Variants in VPS37D observed in about 807,000 individuals in gnomAD.
VPS37D encodes the protein VPS37D subunit of ESCRT-I, also known as vacuolar protein sorting-associated protein 37D.
In VPS37D, 5 loss-of-function variants were observed where a neutral mutation model predicts 22.0. That is an observed-to-expected ratio of 0.23 (90% CI 0.12 to 0.48). VPS37D has a LOEUF of 0.48. Among genes scored for constraint, VPS37D ranks in the 20% least tolerant of loss-of-function variants. The pLI is 0.99. For missense variants in VPS37D, 384 were observed against 345.8 expected (o/e 1.11, Z -0.88); for synonymous variants, 174 against 159.3 (o/e 1.09, Z -0.69).
rs782162648 is a variant in VPS37D, at chr7:73,671,142, T to TCGGGAG, written c.525_530dup (p.Glu176_Arg177dup). 2 of 1,607,186 alleles carry TCGGGAG rather than the reference T, an allele frequency of 1.2e-6. No individual in the cohort carries two copies. Among genetic ancestry groups the TCGGGAG allele is most frequent in the Admixed American group, 1.7e-5 (1 of 59,806 alleles). On this transcript the variant is annotated inframe_insertion, in exon 4 of 4. Coordinates refer to ENST00000324941, the MANE Select transcript of VPS37D (RefSeq NM_001077621.2). ...AGAAGCTGCAGGAGCTGCTGCGGCGTCGGGAGCGTTCTGCCCAGCCGGCCC... is the reference window on the plus strand; with the variant it reads ...AGAAGCTGCAGGAGCTGCTGCGGCGTCGGGAGCGGGAGCGTTCTGCCCAGCCGGCCC...
rs781894762 is a variant in VPS37D, at chr7:73,669,460, C to T, written c.180C>T (p.Ser60=). The T allele has an allele frequency of 2.5e-6, 4 of 1,578,512 alleles. No homozygotes were observed. The highest frequency in any genetic ancestry group is 3.4e-6 in the Non-Finnish European group (4 of 1,162,820). ...LQLEREACLA[S]NYALAKENLA... ...TGGAGCGTGAGGCCTGCCTGGCCTC[C>T]AACTACGCGCTGGCCAAGGAGAACC... The change falls in exon 2 of 4, where the codon TCC becomes TCT. Residue 60 remains serine (S), a synonymous_variant. Coordinates refer to ENST00000324941, the MANE Select transcript of VPS37D (RefSeq NM_001077621.2).
At chr7:73,670,990 G>C (rs782662889) in intron 3 of VPS37D, 24 bp from the exon 4 acceptor site, 3 of 1,608,020 alleles carry the variant, frequency 1.9e-6, no homozygotes, top group Non-Finnish European at 1.7e-6. Flanking sequence ...CCTCTCCCAA[G>C]CCTTCCCTTC....
chr7:73,667,877 C>A lies in VPS37D; in HGVS notation c.-82C>A. 2 of 369,060 alleles carry A rather than the reference C, an allele frequency of 5.4e-6. No homozygotes were observed. Among genetic ancestry groups the A allele is most frequent in the African/African-American group, 2.2e-5 (1 of 44,560 alleles). The allele number at this position is 369,060 out of a possible 1,614,324, so 22.9% of individuals were successfully genotyped here. On this transcript the variant is annotated 5_prime_UTR_variant, in exon 1 of 4. Transcript: ENST00000324941. ...GCCGGAGCGGATCCTGGAGCCGGAGCGGAGCGGAGCGGAGCGGAGCCGGGG... is the reference window on the plus strand; with the variant it reads ...GCCGGAGCGGATCCTGGAGCCGGAGAGGAGCGGAGCGGAGCGGAGCCGGGG...
chr7:73,671,569 C>A lies in VPS37D; in HGVS notation c.*193C>A. On this transcript the variant is annotated 3_prime_UTR_variant, in exon 4 of 4. Coordinates refer to ENST00000324941, the MANE Select transcript of VPS37D (RefSeq NM_001077621.2). ...CGAGAGGGGGCTGGGGGTGGGTGGG[C>A]AGGGCTTTATGCCTCTGGCGCTGAA... is the stretch of plus-strand genomic sequence containing the variant. The A allele has an allele frequency of 1.5e-5, 3 of 200,274 alleles. No individual in the cohort carries two copies. The highest frequency in any genetic ancestry group is 3.0e-5 in the Non-Finnish European group (3 of 100,952). The allele number at this position is 200,274 out of a possible 1,614,324, so 12.4% of individuals were successfully genotyped here.
At chr7:73,668,151 C>A in intron 1 of VPS37D, 55 bp downstream of exon 1, 1 of 1,033,898 alleles carries the variant, frequency 9.7e-7, no homozygotes. Context: ...GCCTGCGGGA[C>A]CTGCCGCTCG....
In VPS37D at chr7:73,671,291, C is replaced by A; in HGVS notation, c.671C>A (p.Pro224Gln). The A allele has an allele frequency of 7.0e-7, 1 of 1,424,524 alleles. No individual in the cohort carries two copies. Among genetic ancestry groups the A allele is most frequent in the African/African-American group, 1.5e-5 (1 of 67,062 alleles). 88.2% of individuals were successfully genotyped at this position (1,424,524 alleles called of 1,614,324 possible). ...CCCTTGGACTCCCGCCCAGTGCCCCCACTGAAGGGCTCCCCCGGGTGCCCC... is the reference window on the plus strand; with the variant it reads ...CCCTTGGACTCCCGCCCAGTGCCCCAACTGAAGGGCTCCCCCGGGTGCCCC... ...LPPLDSRPVPPLKGSPGCPLG... is the reference protein window; with the variant it reads ...LPPLDSRPVPQLKGSPGCPLG... The change falls in exon 4 of 4, where the codon CCA becomes CAA. Residue 224 changes from proline (P) to glutamine (Q), a missense_variant. By Grantham distance (76) the Pro-to-Gln change is moderately conservative. Coordinates refer to ENST00000324941, the MANE Select transcript of VPS37D (RefSeq NM_001077621.2).
In VPS37D at chr7:73,669,465, A is replaced by C; in HGVS notation, c.185A>C (p.Tyr62Ser). ...CGTGAGGCCTGCCTGGCCTCCAACT[A>C]CGCGCTGGCCAAGGAGAACCTGGCC... Reference protein sequence around the residue: ...LEREACLASNYALAKENLALR... With the variant: ...LEREACLASNSALAKENLALR... The change falls in exon 2 of 4, where the codon TAC becomes TCC. Residue 62 changes from tyrosine (Y) to serine (S), a missense_variant. By Grantham distance (144) the Tyr-to-Ser change is moderately radical. Transcript: ENST00000324941. 1 of 1,579,814 alleles carries C rather than the reference A, an allele frequency of 6.3e-7. No homozygotes were observed.
chr7:73,667,423 G>A (rs550715366), upstream of VPS37D, among the ~76,000 whole-genome samples: 11 of 152,264 alleles, frequency 7.2e-5, 1 homozygote, highest in South Asian at 2.3e-3. Flanking sequence ...GAGCCACCGC[G>A]CCCGGCCAGC....
At chr7:73,668,962 GGGAGTGTTTTC>G (rs1353799107) in intron 1 of VPS37D, among the ~76,000 whole-genome samples, 1 of 151,980 alleles carries the variant, frequency 6.6e-6, no homozygotes, top group Non-Finnish European at 1.5e-5. Flanking sequence ...AGCAGGGGGT[GGGAGTGTTTTC>G]GGTGCAAACA....
At chr7:73,666,518 T>C (rs571098176), upstream of VPS37D, among the ~76,000 whole-genome samples, 1 of 152,022 alleles carries the variant, frequency 6.6e-6, no homozygotes, top group East Asian at 1.9e-4. Context: ...AACCTCCGCC[T>C]CCCAGGTTCA....
chr7:73,667,951 C>A lies in VPS37D; in HGVS notation c.-8C>A. On this transcript the variant is annotated 5_prime_UTR_variant, in exon 1 of 4. Transcript: ENST00000324941. Reference sequence around the variant, plus strand: ...CCAGCAGCCGAGCTGGGGGCGCGGGCGGGCGGCATGTACCGGGCCCGGGCG... The same window carrying A: ...CCAGCAGCCGAGCTGGGGGCGCGGGAGGGCGGCATGTACCGGGCCCGGGCG... 6.0e-6 allele frequency: 6 copies of A among 1,001,902 alleles called. No homozygotes were observed. The highest frequency in any genetic ancestry group is 7.2e-6 in the Non-Finnish European group (6 of 833,774). The allele number at this position is 1,001,902 out of a possible 1,614,324, so 62.1% of individuals were successfully genotyped here. A position where few individuals can be genotyped will look rare whatever the true frequency, so the allele number is the denominator to read the frequency against.
chr7:73,668,024 C>A lies in VPS37D; in HGVS notation c.66C>A (p.Leu22=). Residue 22 remains leucine (L), a synonymous_variant, in exon 1 of 4, where the codon CTC becomes CTA. Transcript: ENST00000324941. The part of the protein sequence containing the change: ...EPGSPGRFGI[L]STGQLRDLLQ... Reference sequence around the variant, plus strand: ...GCAGCCCGGGGCGCTTTGGGATCCTCAGCACCGGGCAGCTCCGGGACCTGC... The same window carrying A: ...GCAGCCCGGGGCGCTTTGGGATCCTAAGCACCGGGCAGCTCCGGGACCTGC... 8.7e-7 allele frequency: 1 copy of A among 1,153,790 alleles called. No homozygotes were observed. Among genetic ancestry groups the A allele is most frequent in the South Asian group, 3.2e-5 (1 of 31,244 alleles). The allele number at this position is 1,153,790 out of a possible 1,614,324, so 71.5% of individuals were successfully genotyped here. A position where few individuals can be genotyped will look rare whatever the true frequency, so the allele number is the denominator to read the frequency against.
chr7:73,668,089 G>T lies in VPS37D; in HGVS notation c.131G>T (p.Ser44Ile). Residue 44 changes from serine to isoleucine, a missense_variant, in exon 1 of 4, where the codon AGC becomes ATC. Physicochemically the swap from Ser to Ile is moderately radical, Grantham distance 142 (BLOSUM62 -2). Coordinates refer to ENST00000324941, the MANE Select transcript of VPS37D (RefSeq NM_001077621.2). ...EPKLDRIVRL[S>I]RKFQGLQLER... ...AAGCTGGACCGGATCGTGCGGCTCA[G>T]CAGGAAGGTAGCGCGGGGGGCTCGA... 1 of 1,115,030 alleles carries T rather than the reference G, an allele frequency of 9.0e-7. No homozygotes were observed. Among genetic ancestry groups the T allele is most frequent in the South Asian group, 4.0e-5 (1 of 24,918 alleles). 69.1% of individuals were successfully genotyped at this position (1,115,030 alleles called of 1,614,324 possible). A position where few individuals can be genotyped will look rare whatever the true frequency, so the allele number is the denominator to read the frequency against.
Position 73,667,979 on chromosome 7 carries a change from G to A in VPS37D, c.21G>A (p.Ala7=). Residue 7 remains alanine (A), a synonymous_variant, in exon 1 of 4, where the codon GCG becomes GCA. Transcript: ENST00000324941. ...GCGGCATGTACCGGGCCCGGGCGGC[G>A]CGGGCGGGGCCGGAGCCCGGCAGCC... is the stretch of plus-strand genomic sequence containing the variant. MYRARA[A]RAGPEPGSPG... 3.7e-6 allele frequency: 4 copies of A among 1,083,578 alleles called. No homozygotes were observed. Among genetic ancestry groups the A allele is most frequent in the Non-Finnish European group, 4.5e-6 (4 of 892,286 alleles). 67.1% of individuals were successfully genotyped at this position (1,083,578 alleles called of 1,614,324 possible). A position where few individuals can be genotyped will look rare whatever the true frequency, so the allele number is the denominator to read the frequency against.
At chr7:73,670,969 C>A in intron 3 of VPS37D, 45 bp from the exon 4 acceptor site, 1 of 1,595,712 alleles carries the variant, frequency 6.3e-7, no homozygotes, top group Non-Finnish European at 8.5e-7. Context: ...AGTCCCCAGT[C>A]TGTGGTCGTG....
chr7:73,671,250 GC>G lies in VPS37D; in HGVS notation c.634del (p.Arg212GlyfsTer14), dbSNP rs1554609711. On this transcript the variant is annotated frameshift_variant, in exon 4 of 4. Coordinates refer to ENST00000324941, the MANE Select transcript of VPS37D (RefSeq NM_001077621.2). LOFTEE classifies it high-confidence loss of function. ...TGAARGPPAV[P>X]RSLPPLDSRP... The stretch of plus-strand genomic sequence containing the variant: ...GGGCCGCCCGGGGGCCACCAGCAGT[GC>G]CCCGGAGCCTGCCCCCCTTGGACTC... The G allele has an allele frequency of 6.6e-7, 1 of 1,521,152 alleles. No homozygotes were observed. The highest frequency in any genetic ancestry group is 8.8e-7 in the Non-Finnish European group (1 of 1,137,904). The allele number at this position is 1,521,152 out of a possible 1,614,324, so 94.2% of individuals were successfully genotyped here. A position where few individuals can be genotyped will look rare whatever the true frequency, so the allele number is the denominator to read the frequency against.
In VPS37D at chr7:73,668,074, G is replaced by A. The variant is rs1422700197; in HGVS notation, c.116G>A (p.Arg39Gln). The stretch of plus-strand genomic sequence containing the variant: ...CTTCAGGATGAGCCCAAGCTGGACC[G>A]GATCGTGCGGCTCAGCAGGAAGGTA... ...DLLQDEPKLD[R>Q]IVRLSRKFQG... Residue 39 changes from arginine (R) to glutamine (Q), a missense_variant, in exon 1 of 4, where the codon CGG becomes CAG. Arg to Gln is a conservative substitution (Grantham distance 43). Coordinates refer to ENST00000324941, the MANE Select transcript of VPS37D (RefSeq NM_001077621.2). 2 of 1,136,244 alleles carry A rather than the reference G, an allele frequency of 1.8e-6. No homozygotes were observed. Among genetic ancestry groups the A allele is most frequent in the Non-Finnish European group, 1.1e-6 (1 of 916,576 alleles). 70.4% of individuals were successfully genotyped at this position (1,136,244 alleles called of 1,614,324 possible).
Position 73,671,264 on chromosome 7 carries a change from C to A in VPS37D, c.644C>A (p.Pro215His). The change falls in exon 4 of 4, where the codon CCC becomes CAC. Residue 215 changes from proline to histidine, a missense_variant. Physicochemically the swap from Pro to His is moderately conservative, Grantham distance 77. Transcript: ENST00000324941. The part of the protein sequence containing the change: ...RGPPAVPRSL[P>H]PLDSRPVPPL... ...CCACCAGCAGTGCCCCGGAGCCTGC[C>A]CCCCTTGGACTCCCGCCCAGTGCCC... 6.7e-7 allele frequency: 1 copy of A among 1,486,220 alleles called. No individual in the cohort carries two copies. The highest frequency in any genetic ancestry group is 8.9e-7 in the Non-Finnish European group (1 of 1,121,880). The allele number at this position is 1,486,220 out of a possible 1,614,324, so 92.1% of individuals were successfully genotyped here.
intron 3 of VPS37D, among the ~76,000 whole-genome samples, chr7:73,670,779 C>T (rs578121279): frequency 6.6e-6 from 1 of 151,032 alleles, no homozygotes; most frequent in South Asian, 2.1e-4. Flanking sequence ...CACTGCACTC[C>T]AGCCTGGACC....
Sources: allele counts gnomAD v4.1 joint callset (sites outside exome capture counted in the v4.1 genomes callset), GRCh38; gene constraint gnomAD v4.1.1; transcripts MANE v1.5; gene names NCBI Gene and HGNC (gene_info 2026-07-23, HGNC 2026-07-21).